GRIN2A: variants seen among roughly 807,000 people sequenced by gnomAD.
GRIN2A encodes the protein glutamate ionotropic receptor NMDA type subunit 2A, also known as glutamate receptor ionotropic, NMDA 2A.
GRIN2A carries 22 observed loss-of-function variants against 113.4 expected under a neutral mutation model. The observed-to-expected ratio is 0.19, with a 90% CI of 0.14 to 0.28. The LOEUF is 0.28. Among genes scored for constraint, GRIN2A ranks in the 10% least tolerant of loss-of-function variants. The pLI, the probability that GRIN2A is intolerant of heterozygous loss-of-function variation, is 1.00. For synonymous variants in GRIN2A, 827 were observed against 738.4 expected, an observed-to-expected ratio of 1.12 and a Z score of -1.94; for missense variants, 1,502 against 1,887.0, an observed-to-expected ratio of 0.80 and a Z score of 3.78.
rs1596368278 is a variant in GRIN2A, at chr16:9,757,065, G to C, written c.*6084C>G. On this transcript the variant is annotated 3_prime_UTR_variant, in exon 13 of 13. Transcript: ENST00000330684. ...CAAAAAAGCTTTAGGGAAATGCTTC[G>C]TCTTTTTACATCATGGTCTATTTTC... 1 of 206,380 alleles carries C rather than the reference G, an allele frequency of 4.8e-6. No homozygotes were observed. The highest frequency in any genetic ancestry group is 5.9e-5 in the Admixed American group (1 of 16,840). 12.8% of individuals were successfully genotyped at this position (206,380 alleles called of 1,614,324 possible).
At chr16:9,939,087 CA>C (rs1324600393) in intron 2 of GRIN2A, among the ~76,000 whole-genome samples, 1 of 152,150 alleles carries the variant, frequency 6.6e-6, no homozygotes, top group Non-Finnish European at 1.5e-5. Context: ...ATACGGCTCC[CA>C]CATAATACAG....
rs575024066 is a variant in GRIN2A, at chr16:10,154,645, G to T, written c.414+25353C>A. Among the ~76,000 whole-genome samples, 371 of 152,210 alleles carry T rather than the reference G, an allele frequency of 2.4e-3. 1 individual carries two copies. The highest frequency in any genetic ancestry group is 0.01 in the Middle Eastern group (3 of 294). On this transcript the variant is annotated intron_variant, in intron 2 of 12. Transcript: ENST00000330684. ...TCCTGTCCTCACTGAGGACAGCTGG[G>T]AAGCTAAATCAACAAATAAATTATC...
chr16:10,147,517 C>T (rs115522162), intron 2 of GRIN2A, among the ~76,000 whole-genome samples: 2,216 of 149,428 alleles, frequency 0.015, 64 homozygotes, highest in African/African-American at 0.052. Flanking sequence ...ACACCTGTGG[C>T]CCCAGCTACT....
At chr16:9,978,689 T>A (rs2045824026) in intron 2 of GRIN2A, among the ~76,000 whole-genome samples, 1 of 152,144 alleles carries the variant, frequency 6.6e-6, no homozygotes, top group Non-Finnish European at 1.5e-5. Flanking sequence ...TCCAGAAGGA[T>A]TTTTATCACA....
At chr16:9,816,540 G>A (rs114240780) in intron 10 of GRIN2A, among the ~76,000 whole-genome samples, 458 of 152,292 alleles carry the variant, frequency 3.0e-3, no homozygotes, top group African/African-American at 0.011. Context: ...TGAAATATTA[G>A]GCTCTTCGGA....
chr16:10,142,578 A>C (rs966427084), intron 2 of GRIN2A, among the ~76,000 whole-genome samples: 3 of 152,198 alleles, frequency 2.0e-5, no homozygotes, highest in Non-Finnish European at 2.9e-5. Flanking sequence ...TGGTGAGTAT[A>C]GTCTCTGCTA....
chr16:10,127,455 C>T (rs554798350), intron 2 of GRIN2A, among the ~76,000 whole-genome samples: 40 of 152,294 alleles, frequency 2.6e-4, no homozygotes, highest in Admixed American at 1.1e-3. Flanking sequence ...AACTTCTAAT[C>T]ATTTTTCCAA....
intron 2 of GRIN2A, among the ~76,000 whole-genome samples, chr16:10,137,872 A>G (rs900452238): frequency 6.6e-6 from 1 of 152,192 alleles, no homozygotes; most frequent in African/African-American, 2.4e-5. Context: ...GATGCACCAC[A>G]TAGTACTTGT....
chr16:9,885,806 G>T (rs76817839), intron 4 of GRIN2A, among the ~76,000 whole-genome samples: 3 of 152,222 alleles, frequency 2.0e-5, no homozygotes, highest in African/African-American at 7.2e-5. Flanking sequence ...AGCACACGGA[G>T]TTATTTCTGA....
chr16:9,828,309 G>A (rs868862198), intron 9 of GRIN2A, among the ~76,000 whole-genome samples: 1 of 152,164 alleles, frequency 6.6e-6, no homozygotes, highest in Non-Finnish European at 1.5e-5. Context: ...TCAGAGAGAG[G>A]TGAGGCACTC....
chr16:9,798,555 A>T, intron 10 of GRIN2A, 91 bp from the exon 11 acceptor site: 1 of 893,622 alleles, frequency 1.1e-6, no homozygotes, highest in Non-Finnish European at 1.8e-6. Flanking sequence ...AGCATCCCAC[A>T]CTTTCTTTCA....
intron 7 of GRIN2A, among the ~76,000 whole-genome samples, chr16:9,838,561 T>G (rs1185819016): frequency 4.6e-5 from 7 of 152,304 alleles, no homozygotes; most frequent in East Asian, 1.9e-4. Context: ...AATAAATGAC[T>G]GTTGTTCTTT....
chr16:10,022,061 G>T (rs777790122), intron 2 of GRIN2A, among the ~76,000 whole-genome samples: 4 of 145,506 alleles, frequency 2.7e-5, no homozygotes, highest in Admixed American at 6.8e-5. Flanking sequence ...GACACCTCTA[G>T]AAATCTCTTC....
intron 4 of GRIN2A, among the ~76,000 whole-genome samples, chr16:9,864,291 T>C (rs1008966121): frequency 1.3e-5 from 2 of 152,160 alleles, no homozygotes; most frequent in Non-Finnish European, 2.9e-5. Context: ...AGTTAGAAAG[T>C]GGCTAAGAGA....
At chr16:10,133,674 A>C (rs535351232) in intron 2 of GRIN2A, among the ~76,000 whole-genome samples, 2 of 152,298 alleles carry the variant, frequency 1.3e-5, no homozygotes, top group Admixed American at 1.3e-4. Context: ...ATCTTATCTC[A>C]ATCACCTAAG....
chr16:9,865,392 T>C (rs1167858405), intron 4 of GRIN2A, among the ~76,000 whole-genome samples: 1 of 152,170 alleles, frequency 6.6e-6, no homozygotes, highest in Non-Finnish European at 1.5e-5. Context: ...ATGAGAATCA[T>C]GGTGACCAAT....
chr16:9,840,858 T>C, intron 6 of GRIN2A, 58 bp from the exon 7 acceptor site: 8 of 1,599,112 alleles, frequency 5.0e-6, no homozygotes, highest in East Asian at 2.2e-5. Context: ...AACAGTACTT[T>C]ACTTTTCCTG....
chr16:9,909,593 A>G (rs2044094509), intron 3 of GRIN2A, among the ~76,000 whole-genome samples: 1 of 152,224 alleles, frequency 6.6e-6, no homozygotes, highest in South Asian at 2.1e-4. Flanking sequence ...AGATAGCTTA[A>G]GTACAGAGAA....
At chr16:10,062,113 G>A (rs1009794196) in intron 2 of GRIN2A, among the ~76,000 whole-genome samples, 1 of 152,158 alleles carries the variant, frequency 6.6e-6, no homozygotes, top group Non-Finnish European at 1.5e-5. Flanking sequence ...TGGAAACCCA[G>A]GTCCGGTACT....
Sources: gnomAD v4.1 joint callset for allele counts (sites outside exome capture counted in the v4.1 genomes callset) on GRCh38, gnomAD v4.1.1 for gene constraint, MANE v1.5 for transcripts, NCBI Gene and HGNC (gene_info 2026-07-23, HGNC 2026-07-21) for gene names.